The following BRIP1 variants were observed in gnomAD, a reference collection of about 807,000 sequenced individuals.
BRIP1 encodes the protein Fanconi anemia group J protein.
In BRIP1, 88 loss-of-function variants were observed where a neutral mutation model predicts 119.7. The observed-to-expected ratio is 0.74, with a 90% CI of 0.62 to 0.88. BRIP1 has a LOEUF of 0.88. Among genes scored for constraint, BRIP1 ranks in the 40% least tolerant of loss-of-function variants. The pLI is 0.00. For synonymous variants in BRIP1, 443 were observed against 496.5 expected, an observed-to-expected ratio of 0.89 and a Z score of 1.43; for missense variants, 1,259 against 1,455.4, an observed-to-expected ratio of 0.87 and a Z score of 2.20.
rs1567772294 is a variant in BRIP1, at chr17:61,734,561, G to A, written c.2379+8452C>T. 6.6e-6 allele frequency among the ~76,000 whole-genome samples: 1 copy of A among 152,048 alleles called. No homozygotes were observed. The highest frequency in any genetic ancestry group is 1.5e-5 in the Non-Finnish European group (1 of 67,998). The stretch of plus-strand genomic sequence containing the variant: ...GTTTCTTTATTTTCAGGTCCCTCAG[G>A]TATGTGCAATAAATTATGACTTGAA... On this transcript the variant is annotated intron_variant, in intron 16 of 19. Coordinates refer to ENST00000259008, the MANE Select transcript of BRIP1 (RefSeq NM_032043.3). This position sits in a 1 kb window ranked among gnomAD's most constrained non-coding sequence, Gnocchi z 5.2.
chr17:61,832,326 A>G lies in BRIP1; in HGVS notation c.627+14775T>C, dbSNP rs1475719572. On this transcript the variant is annotated intron_variant, in intron 6 of 19. Coordinates refer to ENST00000259008, the MANE Select transcript of BRIP1 (RefSeq NM_032043.3). This position sits in a 1 kb window ranked among gnomAD's most constrained non-coding sequence, Gnocchi z 5.5. ...ATAAAATGGAAAATCACAAGTCCAT[A>G]AAGATATAAATAAAATGAGTAAACT... Among the ~76,000 whole-genome samples, 2 of 152,256 alleles carry G rather than the reference A, an allele frequency of 1.3e-5. No individual in the cohort carries two copies. Among genetic ancestry groups the G allele is most frequent in the African/African-American group, 4.8e-5 (2 of 41,474 alleles).
rs1346609505 is a variant in BRIP1 at position 61,691,330 on chromosome 17, C to CA, written c.2575+2099dup. On this transcript the variant is annotated intron_variant, in intron 18 of 19. Transcript: ENST00000259008. This position sits in a 1 kb window ranked among gnomAD's most constrained non-coding sequence, Gnocchi z 5.0. ...ACCTAGGAATAAACAACTAAGGAGGCAAAAAACCTGTACACTGGAAATTAT... is the reference window on the plus strand; with the variant it reads ...ACCTAGGAATAAACAACTAAGGAGGCAAAAAAACCTGTACACTGGAAATTAT... Among the ~76,000 whole-genome samples, 3 of 151,810 alleles carry CA rather than the reference C, an allele frequency of 2.0e-5. No individual in the cohort carries two copies. Among genetic ancestry groups the CA allele is most frequent in the Non-Finnish European group, 4.4e-5 (3 of 67,934 alleles).
At position 61,801,454 on chromosome 17, in the gene BRIP1, A is replaced by C. The variant is rs1436085018; in HGVS notation, c.939T>G (p.Tyr313Ter). Residue 313 changes from tyrosine (Y) to a stop codon, truncating the protein, a stop_gained, in exon 8 of 20, where the codon TAT (tyrosine) becomes TAG (stop). Coordinates refer to ENST00000259008, the MANE Select transcript of BRIP1 (RefSeq NM_032043.3). LOFTEE classifies it high-confidence loss of function. ...DGKNGKSCYF[Y>*]HGVHKISDQH... ...GATCACTAATTTTATGAACTCCATG[A>C]TAAAAATAGCAGGATTTTCCCTAGA... The C allele has an allele frequency of 6.2e-7, 1 of 1,612,654 alleles. No homozygotes were observed. The highest frequency in any genetic ancestry group is 2.2e-5 in the East Asian group (1 of 44,856).
chr17:61,849,389 A>AGTTT, intron 4 of BRIP1, 133 bp from the exon 5 acceptor site: 2 of 742,624 alleles, frequency 2.7e-6, no homozygotes, highest in Non-Finnish European at 4.3e-6. Context: ...TGAAACTTAA[A>AGTTT]CATGTTTAAA....
In BRIP1 at chr17:61,724,847, G is replaced by A. The variant is rs891464253; in HGVS notation, c.2380-8784C>T. Among the ~76,000 whole-genome samples, 1 of 152,176 alleles carries A rather than the reference G, an allele frequency of 6.6e-6. No homozygotes were observed. The highest frequency in any genetic ancestry group is 2.4e-5 in the African/African-American group (1 of 41,446). On this transcript the variant is annotated intron_variant, in intron 16 of 19. Transcript: ENST00000259008. This position sits in a 1 kb window ranked among gnomAD's most constrained non-coding sequence, Gnocchi z 5.1. ...GTCTAGCAAACACTTGAGTAGAACA[G>A]TTTTATCTTTAGCCAAGGTGCAGGG...
intron 16 of BRIP1, among the ~76,000 whole-genome samples, chr17:61,728,957 AG>A (rs560232122): frequency 2.6e-5 from 4 of 152,172 alleles, no homozygotes; most frequent in African/African-American, 4.8e-5. Context: ...AAAGAGAAAA[AG>A]GAAGTGGAAG....
At position 61,804,996 on chromosome 17, in the gene BRIP1, GTGTGTA is replaced by G. The variant is rs2078053435; in HGVS notation, c.918+3465_918+3470del. On this transcript the variant is annotated intron_variant, in intron 7 of 19. Coordinates refer to ENST00000259008, the MANE Select transcript of BRIP1 (RefSeq NM_032043.3). This position sits in a 1 kb window ranked among gnomAD's most constrained non-coding sequence, Gnocchi z 4.5. Reference sequence around the variant, plus strand: ...TGTGTGTGTGTGTGTGTGTGTGTGTGTGTGTAAAATTAAATTGTATTTGTATACGTC... The same window carrying G: ...TGTGTGTGTGTGTGTGTGTGTGTGTGAAATTAAATTGTATTTGTATACGTC... Among the ~76,000 whole-genome samples the G allele has an allele frequency of 8.2e-6, 1 of 122,116 alleles. No individual in the cohort carries two copies. Among genetic ancestry groups the G allele is most frequent in the African/African-American group, 3.0e-5 (1 of 33,100 alleles). 80.1% of individuals were successfully genotyped at this position (122,116 alleles called of 152,430 possible).
chr17:61,798,830 C>T lies in BRIP1; in HGVS notation c.1340+270G>A, dbSNP rs192165388. 6.6e-6 allele frequency among the ~76,000 whole-genome samples: 1 copy of T among 152,116 alleles called. No homozygotes were observed. Among genetic ancestry groups the T allele is most frequent in the Non-Finnish European group, 1.5e-5 (1 of 67,946 alleles). On this transcript the variant is annotated intron_variant, in intron 9 of 19. Transcript: ENST00000259008. The surrounding 1 kb of genome is among the most constrained non-coding windows in gnomAD (Gnocchi z 5.5). ...TTAGTTTCTGGTTCAATATCCTAGA[C>T]ACATCCTTCGGGGCTATTATGTTAT...
In BRIP1 at chr17:61,703,444, C is replaced by A. The variant is rs1435836532; in HGVS notation, c.2493-9932G>T. Among the ~76,000 whole-genome samples the A allele has an allele frequency of 6.6e-6, 1 of 152,184 alleles. No homozygotes were observed. Among genetic ancestry groups the A allele is most frequent in the East Asian group, 1.9e-4 (1 of 5,192 alleles). ...TGCTTCTTGGCCACATGCATGTCTCCTTTTGAGAAATGTCTGTTCATGTCC... is the reference window on the plus strand; with the variant it reads ...TGCTTCTTGGCCACATGCATGTCTCATTTTGAGAAATGTCTGTTCATGTCC... On this transcript the variant is annotated intron_variant, in intron 17 of 19. Coordinates refer to ENST00000259008, the MANE Select transcript of BRIP1 (RefSeq NM_032043.3). The surrounding 1 kb of genome is among the most constrained non-coding windows in gnomAD (Gnocchi z 5.0).
At chr17:61,727,287 C>CAG (rs1171879077) in intron 16 of BRIP1, among the ~76,000 whole-genome samples, 1 of 152,194 alleles carries the variant, frequency 6.6e-6, no homozygotes, top group Admixed American at 6.5e-5. Context: ...GGCTCAGACT[C>CAG]AGCTTTCATA....
In BRIP1 at chr17:61,863,478, C is replaced by T. The variant is rs1603369188; in HGVS notation, c.-225G>A. On this transcript the variant is annotated 5_prime_UTR_variant, in exon 1 of 20. Transcript: ENST00000259008. ...CAGGACTGGGGCCGCCGTTACCTTTCCTCGACCCACCAGACCCCTCAACCA... is the reference window on the plus strand; with the variant it reads ...CAGGACTGGGGCCGCCGTTACCTTTTCTCGACCCACCAGACCCCTCAACCA... The T allele has an allele frequency of 6.6e-6, 1 of 152,110 alleles. No homozygotes were observed. The highest frequency in any genetic ancestry group is 2.4e-5 in the African/African-American group (1 of 41,318). The allele number at this position is 152,110 out of a possible 1,614,324, so 9.4% of individuals were successfully genotyped here. A position where few individuals can be genotyped will look rare whatever the true frequency, so the allele number is the denominator to read the frequency against.
Position 61,708,089 on chromosome 17 carries a change from A to G in BRIP1, c.2492+7862T>C, listed in dbSNP as rs983643045. ...CTCAAACTGCTGACCTCAAGTGATC[A>G]TTTTTAAGAGGATTAAGGAAAAAAC... On this transcript the variant is annotated intron_variant, in intron 17 of 19. Transcript: ENST00000259008. The surrounding 1 kb of genome is among the most constrained non-coding windows in gnomAD (Gnocchi z 4.4). Among the ~76,000 whole-genome samples, 10 of 152,070 alleles carry G rather than the reference A, an allele frequency of 6.6e-5. No homozygotes were observed. The highest frequency in any genetic ancestry group is 2.4e-4 in the African/African-American group (10 of 41,494).
chr17:61,696,313 A>T (rs545577480), intron 17 of BRIP1, among the ~76,000 whole-genome samples: 1 of 151,592 alleles, frequency 6.6e-6, no homozygotes, highest in East Asian at 1.9e-4. Context: ...GATTGCTGGG[A>T]TCAATCTTAC....
intron 6 of BRIP1, among the ~76,000 whole-genome samples, chr17:61,818,515 G>A (rs2078271535): frequency 6.6e-6 from 1 of 152,188 alleles, no homozygotes; most frequent in African/African-American, 2.4e-5. Context: ...ACTTTGAGAT[G>A]TCATGGTAAG....
In BRIP1 at chr17:61,743,943, T is replaced by C. The variant is rs1271956969; in HGVS notation, c.2257+489A>G. Among the ~76,000 whole-genome samples, 1 of 152,106 alleles carries C rather than the reference T, an allele frequency of 6.6e-6. No homozygotes were observed. The highest frequency in any genetic ancestry group is 1.5e-5 in the Non-Finnish European group (1 of 68,004). On this transcript the variant is annotated intron_variant, in intron 15 of 19. Coordinates refer to ENST00000259008, the MANE Select transcript of BRIP1 (RefSeq NM_032043.3). The surrounding 1 kb of genome is among the most constrained non-coding windows in gnomAD (Gnocchi z 4.3). ...CTCAAGTGATCCACCCGCCTCAGCC[T>C]CCCAAAGCGCTAGGATTACAGGCAA...
rs754875203 is a variant in BRIP1, at chr17:61,789,076, C to G, written c.1473+4521G>C. Among the ~76,000 whole-genome samples the G allele has an allele frequency of 2.6e-5, 4 of 151,932 alleles. No individual in the cohort carries two copies. The highest frequency in any genetic ancestry group is 5.9e-5 in the Non-Finnish European group (4 of 67,984). ...CACCACTGCACTCCAGCCTGGTTAA[C>G]AGAGTGAGATTCTGTCTCAAAATAA... On this transcript the variant is annotated intron_variant, in intron 10 of 19. Coordinates refer to ENST00000259008, the MANE Select transcript of BRIP1 (RefSeq NM_032043.3). The surrounding 1 kb of genome is among the most constrained non-coding windows in gnomAD (Gnocchi z 4.8).
chr17:61,799,444 A>T lies in BRIP1; in HGVS notation c.1141-145T>A. The T allele has an allele frequency of 1.5e-6, 1 of 674,980 alleles. No individual in the cohort carries two copies. The highest frequency in any genetic ancestry group is 1.9e-5 in the South Asian group (1 of 52,152). 41.8% of individuals were successfully genotyped at this position (674,980 alleles called of 1,614,324 possible). ...GCAACAGAGATTCTAGGTCTTAAAT[A>T]AAACTTCTGAAGCACTATGGCCAAC... On this transcript the variant is annotated intron_variant, in intron 8 of 19. Transcript: ENST00000259008. This position sits in a 1 kb window ranked among gnomAD's most constrained non-coding sequence, Gnocchi z 5.1.
At position 61,760,387 on chromosome 17, in the gene BRIP1, A is replaced by G. The variant is rs183677242; in HGVS notation, c.2098-15796T>C. ...ATAACATTACTCCTCAAGGATCTAG[A>G]AAAAGAAGAACTAAGCCCAAAATTA... On this transcript the variant is annotated intron_variant, in intron 14 of 19. Transcript: ENST00000259008. This position sits in a 1 kb window ranked among gnomAD's most constrained non-coding sequence, Gnocchi z 4.6. Among the ~76,000 whole-genome samples the G allele has an allele frequency of 6.6e-6, 1 of 151,960 alleles. No homozygotes were observed. The highest frequency in any genetic ancestry group is 1.5e-5 in the Non-Finnish European group (1 of 67,878).
rs2061741896 is a variant in BRIP1 at position 61,709,549 on chromosome 17, G to T, written c.2492+6402C>A. On this transcript the variant is annotated intron_variant, in intron 17 of 19. Transcript: ENST00000259008. This position sits in a 1 kb window ranked among gnomAD's most constrained non-coding sequence, Gnocchi z 5.0. ...TACAGAAGAGTATTGAAAGTCAATG[G>T]AAAGTCAGTGTGCCACTGTATTTTG... Among the ~76,000 whole-genome samples the T allele has an allele frequency of 6.6e-6, 1 of 152,146 alleles. No homozygotes were observed. The highest frequency in any genetic ancestry group is 2.4e-5 in the African/African-American group (1 of 41,428).
Sources: allele counts gnomAD v4.1 joint callset (sites outside exome capture counted in the v4.1 genomes callset), GRCh38; gene constraint gnomAD v4.1.1; non-coding constraint Gnocchi (gnomAD v3.1); transcripts MANE v1.5; gene names NCBI Gene and HGNC (gene_info 2026-07-23, HGNC 2026-07-21).